The following UBXN8 variants were observed in gnomAD, a reference collection of about 807,000 sequenced individuals.
The protein encoded by UBXN8 is UBX domain-containing protein 8.
UBXN8 carries 27 observed loss-of-function variants against 32.1 expected under a neutral mutation model. That is an observed-to-expected ratio of 0.84 (90% CI 0.62 to 1.16). UBXN8 has a LOEUF of 1.16. UBXN8 is among the 50% of genes most tolerant of loss of function. The probability of loss-of-function intolerance (pLI) is 0.00; values close to 1 mark genes in which losing one functional copy is unlikely to be tolerated. For synonymous variants in UBXN8, 109 were observed against 111.8 expected, an observed-to-expected ratio of 0.98 and a Z score of 0.16; for missense variants, 306 against 311.4, an observed-to-expected ratio of 0.98 and a Z score of 0.13.
intron 3 of UBXN8, among the ~76,000 whole-genome samples, chr8:30,753,720 T>A (rs1055106745): frequency 3.3e-5 from 5 of 151,710 alleles, no homozygotes; most frequent in Non-Finnish European, 7.4e-5. Flanking sequence ...TTTCTGTTGG[T>A]ATGGATTTAC....
chr8:30,748,151 A>C (rs1279247278), intron 1 of UBXN8, among the ~76,000 whole-genome samples: 4 of 148,524 alleles, frequency 2.7e-5, no homozygotes. Flanking sequence ...TTTGAGATGG[A>C]GTCTCACTCT....
intron 1 of UBXN8, 138 bp downstream of exon 1, chr8:30,744,415 C>G: frequency 2.5e-6 from 2 of 801,764 alleles, no homozygotes; most frequent in South Asian, 3.2e-5. Context: ...CCCCTGCCCC[C>G]CCACTTCCGG....
rs1314509914 is a variant in UBXN8, at chr8:30,763,302, T to TG, written c.603dup (p.Asn202GlufsTer18). The TG allele has an allele frequency of 6.2e-7, 1 of 1,613,848 alleles. No individual in the cohort carries two copies. The highest frequency in any genetic ancestry group is 8.5e-7 in the Non-Finnish European group (1 of 1,179,726). On this transcript the variant is annotated frameshift_variant, in exon 7 of 8. Transcript: ENST00000265616. LOFTEE classifies it high-confidence loss of function. ...TTACTGTTGCTCTCCGATGTCCCAG[T>TG]GGGAATGTCCTGAGGAGAAGGTTTT...
chr8:30,765,901 T>C (rs779646477), intron 7 of UBXN8, among the ~76,000 whole-genome samples: 2 of 151,098 alleles, frequency 1.3e-5, no homozygotes, highest in Non-Finnish European at 2.9e-5. Context: ...TCCAAGCTAC[T>C]CTGAAGGCTG....
chr8:30,749,154 G>A (rs1805444957), intron 1 of UBXN8, among the ~76,000 whole-genome samples: 1 of 151,978 alleles, frequency 6.6e-6, no homozygotes. Context: ...AGCACTTTGG[G>A]AGGCTGAGGC....
chr8:30,738,611 A>C (rs1477680046), intron 1 of UBXN8, among the ~76,000 whole-genome samples: 1 of 144,826 alleles, frequency 6.9e-6, no homozygotes, highest in Non-Finnish European at 1.5e-5. Context: ...CAGTGAGCCG[A>C]GATCGTGCCA....
At chr8:30,744,556 A>G (rs1292021506) in intron 1 of UBXN8, 2 of 511,402 alleles carry the variant, frequency 3.9e-6, no homozygotes, top group East Asian at 5.9e-5. Flanking sequence ...AAAAGGAAAT[A>G]AACAGGTTGA....
intron 5 of UBXN8, among the ~76,000 whole-genome samples, chr8:30,758,648 C>T (rs925748500): frequency 1.3e-5 from 2 of 152,042 alleles, no homozygotes; most frequent in African/African-American, 2.4e-5. Flanking sequence ...TGAAAAAGAT[C>T]GATATGAACT....
At chr8:30,758,132 G>A (rs900248752) in intron 5 of UBXN8, among the ~76,000 whole-genome samples, 12 of 152,096 alleles carry the variant, frequency 7.9e-5, no homozygotes, top group Non-Finnish European at 1.8e-4. Flanking sequence ...TCCTGACCAC[G>A]TGATCCGCCC....
At chr8:30,753,967 C>T (rs977955775) in intron 3 of UBXN8, among the ~76,000 whole-genome samples, 3 of 151,946 alleles carry the variant, frequency 2.0e-5, no homozygotes, top group Non-Finnish European at 4.4e-5. Flanking sequence ...TTGGGCCAGG[C>T]GTGGTGGTGC....
chr8:30,747,894 C>CTTTTTTTTTTTTTTTTTT (rs67334347), intron 1 of UBXN8, among the ~76,000 whole-genome samples: 8 of 35,634 alleles, frequency 2.2e-4, no homozygotes, highest in Admixed American at 3.6e-4. Flanking sequence ...TATATTTTTT[C>CTTTTTTTTTTTTTTTTTT]TTTTTTTTTT....
At chr8:30,747,894 CTTTTTTTTTTTT>C (rs67334347) in intron 1 of UBXN8, among the ~76,000 whole-genome samples, 2 of 35,640 alleles carry the variant, frequency 5.6e-5, no homozygotes, top group African/African-American at 2.1e-4. Context: ...TATATTTTTT[CTTTTTTTTTTTT>C]TTTTTTTTTT....
At chr8:30,764,188 T>C (rs891832440) in intron 7 of UBXN8, among the ~76,000 whole-genome samples, 8 of 152,228 alleles carry the variant, frequency 5.3e-5, no homozygotes, top group African/African-American at 1.9e-4. Flanking sequence ...TAATTTTCTG[T>C]CCTGTTTGTT....
At chr8:30,753,155 C>CT (rs1189705855) in intron 3 of UBXN8, 50 bp downstream of exon 3, 12 of 1,430,266 alleles carry the variant, frequency 8.4e-6, no homozygotes, top group Non-Finnish European at 1.1e-5. Flanking sequence ...ACAAAAATCT[C>CT]TGAGGCAATT....
intron 4 of UBXN8, among the ~76,000 whole-genome samples, chr8:30,756,562 G>A (rs777518973): frequency 6.6e-6 from 1 of 152,150 alleles, no homozygotes; most frequent in Non-Finnish European, 1.5e-5. Context: ...GATTACAGGT[G>A]TGAGCCATAG....
chr8:30,751,962 G>C (rs1805533164), intron 2 of UBXN8, among the ~76,000 whole-genome samples: 1 of 144,126 alleles, frequency 6.9e-6, no homozygotes, highest in South Asian at 2.2e-4. Flanking sequence ...GCATGATCTT[G>C]GCTCACTGCA....
intron 1 of UBXN8, among the ~76,000 whole-genome samples, chr8:30,746,282 T>A (rs1373972244): frequency 6.6e-6 from 1 of 151,982 alleles, no homozygotes; most frequent in Non-Finnish European, 1.5e-5. Context: ...TTTTCTTTTT[T>A]TAATATATAT....
Position 30,751,530 on chromosome 8 carries a change from A to T in UBXN8, c.211+12A>T. 6.3e-7 allele frequency: 1 copy of T among 1,591,298 alleles called. No homozygotes were observed. Among genetic ancestry groups the T allele is most frequent in the Non-Finnish European group, 8.5e-7 (1 of 1,170,476 alleles). ...AGTTTATCTGAAGGGTAAGTTTATT[A>T]TTTATTCTACCCTTTTATACCATTC... On this transcript the variant is annotated intron_variant, in intron 2 of 7. Transcript: ENST00000265616.
intron 6 of UBXN8, among the ~76,000 whole-genome samples, chr8:30,761,969 C>T (rs1400004133): frequency 2.6e-5 from 4 of 151,620 alleles, no homozygotes; most frequent in African/African-American, 4.8e-5. Context: ...GGAGCACATA[C>T]GTGTCTTGAA....
Sources: gnomAD v4.1 joint callset for allele counts (sites outside exome capture counted in the v4.1 genomes callset) on GRCh38, gnomAD v4.1.1 for gene constraint, MANE v1.5 for transcripts, NCBI Gene and HGNC (gene_info 2026-07-23, HGNC 2026-07-21) for gene names.